CNTNAP2: variants seen among roughly 807,000 people sequenced by gnomAD.
The protein encoded by CNTNAP2 is contactin associated protein 2.
CNTNAP2 carries 98 observed loss-of-function variants against 155.2 expected under a neutral mutation model. The observed-to-expected ratio is 0.63, with a 90% confidence interval of 0.54 to 0.75. The LOEUF (loss-of-function observed/expected upper bound fraction) is 0.75, where lower values mean the gene tolerates loss of function less well. Among genes scored for constraint, CNTNAP2 ranks in the 30% least tolerant of loss-of-function variants. CNTNAP2 has a pLI of 0.00. For synonymous variants in CNTNAP2, 651 were observed against 631.2 expected (o/e 1.03, Z -0.47); for missense variants, 1,727 against 1,688.1 (o/e 1.02, Z -0.40).
chr7:147,992,905 A>T (rs566483873), intron 15 of CNTNAP2, among the ~76,000 whole-genome samples: 1 of 152,334 alleles, frequency 6.6e-6, no homozygotes, highest in East Asian at 1.9e-4. Flanking sequence ...AATTTGGTAG[A>T]TTACCCTAAT....
At chr7:146,409,988 G>T (rs1272883766) in intron 1 of CNTNAP2, among the ~76,000 whole-genome samples, 1 of 152,102 alleles carries the variant, frequency 6.6e-6, no homozygotes, top group Non-Finnish European at 1.5e-5. Context: ...TGATTACTTA[G>T]AACACCCCTT....
chr7:146,220,739 G>A (rs999694666), intron 1 of CNTNAP2, among the ~76,000 whole-genome samples: 7 of 152,018 alleles, frequency 4.6e-5, no homozygotes, highest in East Asian at 1.9e-4. Context: ...CTTTTAAAAC[G>A]TTATGAATGA....
At chr7:148,411,072 A>G (rs1799823911) in intron 23 of CNTNAP2, among the ~76,000 whole-genome samples, 1 of 152,192 alleles carries the variant, frequency 6.6e-6, no homozygotes, top group African/African-American at 2.4e-5. Context: ...AAAATATTCC[A>G]GTGTTTTCTT....
chr7:146,279,953 T>TACA (rs1193144173), intron 1 of CNTNAP2, among the ~76,000 whole-genome samples: 1 of 140,936 alleles, frequency 7.1e-6, no homozygotes, highest in Non-Finnish European at 1.5e-5. Flanking sequence ...AATTATAAAT[T>TACA]ACTATACGTA....
intron 3 of CNTNAP2, among the ~76,000 whole-genome samples, chr7:146,976,458 C>T (rs1797913555): frequency 6.6e-6 from 1 of 152,144 alleles, no homozygotes; most frequent in African/African-American, 2.4e-5. Flanking sequence ...TCAGGGATCC[C>T]ACCACCTCCT....
At chr7:147,300,342 T>C in intron 9 of CNTNAP2, 52 bp downstream of exon 9, 1 of 1,603,528 alleles carries the variant, frequency 6.2e-7, no homozygotes, top group Non-Finnish European at 8.5e-7. Flanking sequence ...AAATGAGGTT[T>C]CAAAATGAAG....
chr7:147,446,506 T>G (rs1019141362), intron 10 of CNTNAP2, among the ~76,000 whole-genome samples: 1 of 152,194 alleles, frequency 6.6e-6, no homozygotes, highest in African/African-American at 2.4e-5. Flanking sequence ...AGTAGTAGAC[T>G]GAGGTTCAAG....
chr7:147,824,376 T>C (rs1280631309), intron 13 of CNTNAP2, among the ~76,000 whole-genome samples: 1 of 152,164 alleles, frequency 6.6e-6, no homozygotes, highest in East Asian at 1.9e-4. Flanking sequence ...GAGAAGCTAG[T>C]AAGCCTTGCT....
chr7:147,960,828 T>TTCTC (rs139772949), intron 14 of CNTNAP2, among the ~76,000 whole-genome samples: 4 of 151,424 alleles, frequency 2.6e-5, no homozygotes, highest in Non-Finnish European at 4.4e-5. Context: ...CTCTCCCTCC[T>TTCTC]TCTCTCTCTC....
At chr7:146,855,825 A>G (rs1431466694) in intron 3 of CNTNAP2, among the ~76,000 whole-genome samples, 553 of 49,400 alleles carry the variant, frequency 0.011, 10 homozygotes, top group African/African-American at 0.032. Flanking sequence ...ATATATATAT[A>G]TATATATATA....
chr7:147,641,982 C>T lies in CNTNAP2; in HGVS notation c.2098+2676C>T, dbSNP rs1377771868. On this transcript the variant is annotated intron_variant, in intron 13 of 23. Transcript: ENST00000361727. ...CCAGCACAACTCTTTTTTCTGTTCA[C>T]TTTCACTTATCATAGGTGTGTGTGT... Among the ~76,000 whole-genome samples the T allele has an allele frequency of 2.0e-5, 3 of 150,872 alleles. No individual in the cohort carries two copies. In the South Asian group the frequency reaches 6.3e-4, roughly 32 times the overall value.
chr7:147,267,197 G>T (rs1584831556), intron 8 of CNTNAP2, among the ~76,000 whole-genome samples: 1 of 152,168 alleles, frequency 6.6e-6, no homozygotes, highest in African/African-American at 2.4e-5. Context: ...TTTTGGTATT[G>T]CTGTATCCAT....
intron 4 of CNTNAP2, among the ~76,000 whole-genome samples, chr7:147,087,074 A>T (rs1584830883): frequency 6.6e-6 from 1 of 152,200 alleles, no homozygotes; most frequent in East Asian, 1.9e-4. Context: ...GTTATTATCT[A>T]CATGGTGGAC....
rs1409333520 is a variant in CNTNAP2, at chr7:147,029,548, G to C, written c.403-14359G>C. ...AAATGGAGAAACATAATGTAAAAAG[G>C]GTTTTTTTTTTTTCTTCCCAGGAAA... On this transcript the variant is annotated intron_variant, in intron 3 of 23. Transcript: ENST00000361727. 1.9e-5 allele frequency among the ~76,000 whole-genome samples: 2 copies of C among 107,134 alleles called. 1 individual carries two copies. The highest frequency in any genetic ancestry group is 4.0e-5 in the Non-Finnish European group (2 of 50,116). 70.3% of individuals were successfully genotyped at this position (107,134 alleles called of 152,430 possible).
At chr7:146,996,622 A>G (rs1466746994) in intron 3 of CNTNAP2, among the ~76,000 whole-genome samples, 1 of 152,128 alleles carries the variant, frequency 6.6e-6, no homozygotes, top group Non-Finnish European at 1.5e-5. Context: ...GAGTCTTTAG[A>G]GTTTTCTATA....
intron 4 of CNTNAP2, among the ~76,000 whole-genome samples, chr7:147,073,122 CTTTT>C (rs59033495): frequency 2.0e-3 from 289 of 142,176 alleles, no homozygotes; most frequent in African/African-American, 7.2e-3. Flanking sequence ...AAAGCCTTTT[CTTTT>C]TTTTTTTTTT....
At chr7:148,034,422 T>C (rs1292232186) in intron 15 of CNTNAP2, among the ~76,000 whole-genome samples, 3 of 152,182 alleles carry the variant, frequency 2.0e-5, no homozygotes, top group Admixed American at 1.3e-4. Flanking sequence ...AAGGGATTGA[T>C]GCTGTTATCT....
intron 1 of CNTNAP2, among the ~76,000 whole-genome samples, chr7:146,605,963 CA>C (rs1431221059): frequency 2.6e-5 from 4 of 152,090 alleles, no homozygotes; most frequent in African/African-American, 9.7e-5. Flanking sequence ...AAAAGTAAAA[CA>C]TAATCTATAA....
At chr7:147,430,140 A>C (rs1797441426) in intron 10 of CNTNAP2, among the ~76,000 whole-genome samples, 1 of 152,172 alleles carries the variant, frequency 6.6e-6, no homozygotes, top group African/African-American at 2.4e-5. Flanking sequence ...CAGAAACATG[A>C]ATCTATTTAT....
Sources: allele counts gnomAD v4.1 joint callset (sites outside exome capture counted in the v4.1 genomes callset), GRCh38; gene constraint gnomAD v4.1.1; transcripts MANE v1.5; gene names NCBI Gene and HGNC (gene_info 2026-07-23, HGNC 2026-07-21).